RBFOX1: variants seen among roughly 807,000 people sequenced by gnomAD.
RBFOX1 encodes RNA binding protein fox-1 homolog 1.
A neutral mutation model predicts 57.7 loss-of-function variants in RBFOX1; 8 were observed. That is an observed-to-expected ratio of 0.14 (90% CI 0.08 to 0.25). RBFOX1 has a LOEUF of 0.25. Ranked by LOEUF, RBFOX1 falls within the 10% of genes least tolerant of loss-of-function variation. The pLI is 1.00. For synonymous variants in RBFOX1, 326 were observed against 222.4 expected, an observed-to-expected ratio of 1.47 and a Z score of -4.15; for missense variants, 611 against 548.5, an observed-to-expected ratio of 1.11 and a Z score of -1.14.
chr16:5,293,309 C>T (rs537003750), intron 1 of RBFOX1, among the ~76,000 whole-genome samples: 22 of 152,254 alleles, frequency 1.4e-4, no homozygotes, highest in East Asian at 9.7e-4. Flanking sequence ...AAGATAAAAT[C>T]GGTCACGCTG....
chr16:5,722,058 G>A (rs1168807573), intron 3 of RBFOX1, among the ~76,000 whole-genome samples: 2 of 152,332 alleles, frequency 1.3e-5, no homozygotes, highest in Non-Finnish European at 2.9e-5. Context: ...TCATAAATCC[G>A]AAGTATTGAA....
chr16:7,429,677 A>G (rs2098659447), intron 4 of RBFOX1, among the ~76,000 whole-genome samples: 1 of 152,216 alleles, frequency 6.6e-6, no homozygotes, highest in Non-Finnish European at 1.5e-5. Context: ...ATCATGGGAC[A>G]TGGCAAAGGT....
chr16:5,935,632 T>C (rs1241757987), intron 4 of RBFOX1, among the ~76,000 whole-genome samples: 2 of 152,204 alleles, frequency 1.3e-5, no homozygotes, highest in African/African-American at 2.4e-5. Flanking sequence ...GACTTGTTTC[T>C]AGTCTCTAGG....
At chr16:6,789,438 G>C (rs1461611973) in intron 3 of RBFOX1, among the ~76,000 whole-genome samples, 1 of 152,142 alleles carries the variant, frequency 6.6e-6, no homozygotes, top group East Asian at 1.9e-4. Flanking sequence ...GAAGCGTGTG[G>C]AAGGCGAGAG....
At chr16:6,638,570 A>T (rs1016634726) in intron 2 of RBFOX1, among the ~76,000 whole-genome samples, 4 of 152,226 alleles carry the variant, frequency 2.6e-5, no homozygotes, top group African/African-American at 7.2e-5. Flanking sequence ...AACCAAGAAA[A>T]TGGCTATCGG....
chr16:6,309,312 C>T (rs970976558), intron 1 of RBFOX1, among the ~76,000 whole-genome samples: 1 of 152,132 alleles, frequency 6.6e-6, no homozygotes, highest in Non-Finnish European at 1.5e-5. Context: ...GGCTGTGGTA[C>T]CTCTGCTCTC....
intron 3 of RBFOX1, among the ~76,000 whole-genome samples, chr16:5,624,625 G>C (rs73527649): frequency 0.044 from 6,684 of 152,348 alleles, 491 homozygotes; most frequent in African/African-American, 0.15. Context: ...GACAGTGTCT[G>C]TGATTGTGTC....
At chr16:6,452,352 C>T (rs557159744) in intron 2 of RBFOX1, among the ~76,000 whole-genome samples, 2 of 151,766 alleles carry the variant, frequency 1.3e-5, no homozygotes, top group South Asian at 2.1e-4. Flanking sequence ...CCATCCATGG[C>T]TCCTTCCTTC....
chr16:7,579,172 C>G (rs2093563234), intron 5 of RBFOX1, among the ~76,000 whole-genome samples: 1 of 152,270 alleles, frequency 6.6e-6, no homozygotes, highest in African/African-American at 2.4e-5. Context: ...CTGTAGTGGA[C>G]AGCAAAAGTT....
chr16:5,347,468 A>G (rs2065165014), intron 1 of RBFOX1, among the ~76,000 whole-genome samples: 1 of 152,160 alleles, frequency 6.6e-6, no homozygotes, highest in Non-Finnish European at 1.5e-5. Context: ...AGCAGAAGAG[A>G]TAATAATTAT....
chr16:6,588,579 G>C (rs1337587513), intron 2 of RBFOX1, among the ~76,000 whole-genome samples: 1 of 152,134 alleles, frequency 6.6e-6, no homozygotes, highest in Non-Finnish European at 1.5e-5. Flanking sequence ...TTGAATCTAG[G>C]AGGTGGAGGT....
chr16:6,666,889 C>T (rs1303442637), intron 3 of RBFOX1, among the ~76,000 whole-genome samples: 1 of 152,118 alleles, frequency 6.6e-6, no homozygotes, highest in Admixed American at 6.6e-5. Flanking sequence ...AATGAGTCTG[C>T]TCCACAGAAC....
intron 1 of RBFOX1, among the ~76,000 whole-genome samples, chr16:5,282,115 C>T (rs2063286710): frequency 1.3e-5 from 2 of 152,132 alleles, no homozygotes; most frequent in South Asian, 4.1e-4. Flanking sequence ...GATAGTGAAT[C>T]AGTCTCATGA....
chr16:6,372,954 A>C (rs1486119503), intron 2 of RBFOX1, among the ~76,000 whole-genome samples: 3 of 151,920 alleles, frequency 2.0e-5, no homozygotes, highest in Non-Finnish European at 4.4e-5. Context: ...TGTAGAATGG[A>C]GATTGGGTGG....
intron 4 of RBFOX1, among the ~76,000 whole-genome samples, chr16:7,164,730 A>G (rs1567531003): frequency 6.6e-6 from 1 of 152,224 alleles, no homozygotes; most frequent in Non-Finnish European, 1.5e-5. Flanking sequence ...GGCTGTATAG[A>G]AGTCTGTTGT....
chr16:7,340,380 T>A (rs911617942), intron 4 of RBFOX1, among the ~76,000 whole-genome samples: 2 of 152,222 alleles, frequency 1.3e-5, no homozygotes, highest in South Asian at 4.1e-4. Context: ...CTAGGTAGTT[T>A]TATTGCCTTC....
At chr16:5,293,672 G>T (rs1218677904) in intron 1 of RBFOX1, among the ~76,000 whole-genome samples, 1 of 151,924 alleles carries the variant, frequency 6.6e-6, no homozygotes, top group Non-Finnish European at 1.5e-5. Context: ...TATGTTACAT[G>T]ATTCCATTTA....
intron 3 of RBFOX1, among the ~76,000 whole-genome samples, chr16:6,844,155 G>A (rs1012548396): frequency 1.3e-5 from 2 of 150,420 alleles, no homozygotes; most frequent in Admixed American, 1.3e-4. Flanking sequence ...TACCCCTACA[G>A]GCCAGTCCCC....
rs1482609921 is a variant in RBFOX1 at position 5,561,046 on chromosome 16, A to G, written c.259-37856A>G. 5.3e-5 allele frequency among the ~76,000 whole-genome samples: 8 copies of G among 152,194 alleles called. No individual in the cohort carries two copies. In the East Asian group the frequency reaches 7.7e-4, roughly 15 times the overall value. On this transcript the variant is annotated intron_variant, in intron 2 of 2. Coordinates refer to the RBFOX1 transcript ENST00000585867. Reference sequence around the variant, plus strand: ...GGAATTTCCTAAAGATTTTATTGCAACTTTGGGTTTTATCAATTCCCAAAT... The same window carrying G: ...GGAATTTCCTAAAGATTTTATTGCAGCTTTGGGTTTTATCAATTCCCAAAT...
Sources: gnomAD v4.1 joint callset for allele counts (sites outside exome capture counted in the v4.1 genomes callset) on GRCh38, gnomAD v4.1.1 for gene constraint, MANE v1.5 for transcripts, NCBI Gene and HGNC (gene_info 2026-07-23, HGNC 2026-07-21) for gene names.